Variants in GPC3 observed in about 807,000 individuals in gnomAD.
The protein encoded by GPC3 is glypican-3.
In GPC3, 3 loss-of-function variants were observed where a neutral mutation model predicts 34.4. That is an observed-to-expected ratio of 0.09 (90% confidence interval 0.04 to 0.23). The LOEUF (loss-of-function observed/expected upper bound fraction) is 0.23. Ranked by LOEUF, GPC3 falls within the 10% of genes least tolerant of loss-of-function variation. GPC3 has a pLI of 1.00. For synonymous variants in GPC3, 177 were observed against 174.0 expected (o/e 1.02, Z -0.13); for missense variants, 351 against 445.6 (o/e 0.79, Z 1.91).
chrX:133,732,285 A>G (rs1402539290), intron 3 of GPC3, among the ~76,000 whole-genome samples: 1 of 111,505 alleles, frequency 9.0e-6, no homozygotes, highest in Non-Finnish European at 1.9e-5. Context: ...GAAAGGAGCA[A>G]AAAGGGAACT....
chrX:133,857,740 C>A (rs1324703523), intron 2 of GPC3, among the ~76,000 whole-genome samples: 1 of 111,927 alleles, frequency 8.9e-6, no homozygotes, highest in Non-Finnish European at 1.9e-5. Flanking sequence ...ACATCAGGCA[C>A]AAATCTCACC....
chrX:133,659,210 G>A (rs1180481771), intron 6 of GPC3, among the ~76,000 whole-genome samples: 1 of 112,521 alleles, frequency 8.9e-6, no homozygotes, highest in Non-Finnish European at 1.9e-5. Context: ...TTTACCCAAA[G>A]TTATGCGCCT....
intron 6 of GPC3, among the ~76,000 whole-genome samples, chrX:133,657,898 C>CAGAGAGAGAGAGAGAGAGAGAG (rs749162174): frequency 7.0e-5 from 6 of 85,548 alleles, no homozygotes; most frequent in African/African-American, 2.5e-4. Context: ...GGCATACATG[C>CAGAGAGAGAGAGAGAGAGAGAG]AGAGAGAGAG....
chrX:133,650,335 T>C (rs1373046704), intron 6 of GPC3, among the ~76,000 whole-genome samples: 1 of 110,261 alleles, frequency 9.1e-6, no homozygotes, highest in South Asian at 3.9e-4. Flanking sequence ...CTGGATCATG[T>C]GGTAAAATCT....
chrX:133,878,235 C>CT (rs1381838815), intron 2 of GPC3, among the ~76,000 whole-genome samples: 88 of 110,814 alleles, frequency 7.9e-4, no homozygotes, highest in Non-Finnish European at 1.5e-3. Context: ...CAAGACCAGC[C>CT]TGGCCAACGT....
chrX:133,825,670 A>G (rs113766232), intron 2 of GPC3, among the ~76,000 whole-genome samples: 6,805 of 111,683 alleles, frequency 0.061, 313 homozygotes, highest in African/African-American at 0.15. Context: ...TGGAAATCTT[A>G]GACATATTCA....
intron 2 of GPC3, among the ~76,000 whole-genome samples, chrX:133,903,313 T>C (rs2076153347): frequency 9.0e-6 from 1 of 110,941 alleles, no homozygotes; most frequent in African/African-American, 3.3e-5. Flanking sequence ...TGGCCGGGCA[T>C]GGTGGCTCAT....
intron 7 of GPC3, among the ~76,000 whole-genome samples, chrX:133,593,824 G>C (rs991321550): frequency 9.0e-6 from 1 of 111,445 alleles, no homozygotes; most frequent in Non-Finnish European, 1.9e-5. Context: ...GCTGGGCGTA[G>C]TGACTCACGC....
chrX:133,757,511 A>G (rs1424870279), intron 2 of GPC3, among the ~76,000 whole-genome samples: 1 of 111,921 alleles, frequency 8.9e-6, no homozygotes, highest in Non-Finnish European at 1.9e-5. Flanking sequence ...ATGTTCCTGT[A>G]TTCAGACTCA....
chrX:133,984,157 C>T (rs1280094638), intron 1 of GPC3, among the ~76,000 whole-genome samples: 1 of 113,587 alleles, frequency 8.8e-6, no homozygotes, highest in African/African-American at 3.2e-5. Flanking sequence ...AGGGCTGCTC[C>T]CCGATCCCTC....
intron 7 of GPC3, among the ~76,000 whole-genome samples, chrX:133,560,836 A>C (rs1481008434): frequency 1.8e-5 from 2 of 112,334 alleles, no homozygotes; most frequent in Non-Finnish European, 3.8e-5. Flanking sequence ...AATAAAAATT[A>C]AAAAATCTTG....
intron 3 of GPC3, among the ~76,000 whole-genome samples, chrX:133,736,813 T>C (rs1349928920): frequency 8.9e-6 from 1 of 111,778 alleles, no homozygotes; most frequent in Non-Finnish European, 1.9e-5. Context: ...ATGGTAATGG[T>C]TGCACAGCTC....
At chrX:133,866,082 T>A (rs1418121638) in intron 2 of GPC3, among the ~76,000 whole-genome samples, 1 of 111,389 alleles carries the variant, frequency 9.0e-6, no homozygotes, top group Admixed American at 9.5e-5. Context: ...TTTTTCTGCC[T>A]TCCTCTATGT....
intron 2 of GPC3, among the ~76,000 whole-genome samples, chrX:133,871,547 C>T (rs2075993944): frequency 8.9e-6 from 1 of 111,924 alleles, no homozygotes; most frequent in African/African-American, 3.2e-5. Flanking sequence ...ACAAATGATG[C>T]TAGACAGATA....
At chrX:133,831,534 C>T (rs1314941638) in intron 2 of GPC3, among the ~76,000 whole-genome samples, 2 of 111,929 alleles carry the variant, frequency 1.8e-5, no homozygotes, top group Admixed American at 1.9e-4. Flanking sequence ...AGTTCAAGAA[C>T]AGCCTGACCA....
intron 6 of GPC3, among the ~76,000 whole-genome samples, chrX:133,609,889 C>T (rs2070091708): frequency 8.9e-6 from 1 of 112,197 alleles, no homozygotes; most frequent in South Asian, 3.7e-4. Flanking sequence ...TATATACTTG[C>T]CTTGGGGTAG....
chrX:133,575,790 T>C (rs376287050), intron 7 of GPC3, among the ~76,000 whole-genome samples: 1 of 112,042 alleles, frequency 8.9e-6, no homozygotes, highest in South Asian at 3.8e-4. Context: ...GGAGTAGACC[T>C]AGATCTCCTA....
intron 1 of GPC3, among the ~76,000 whole-genome samples, chrX:133,960,633 C>CTA (rs751430173): frequency 1.8e-4 from 20 of 109,323 alleles, no homozygotes; most frequent in South Asian, 3.9e-4. Flanking sequence ...GAAATCTTTT[C>CTA]TATATATATA....
intron 1 of GPC3, among the ~76,000 whole-genome samples, chrX:133,984,149 G>T (rs1221752629): frequency 8.8e-6 from 1 of 113,532 alleles, no homozygotes; most frequent in Non-Finnish European, 1.9e-5. Flanking sequence ...TTTTGGCTAG[G>T]GCTGCTCCCC....
Sources: allele counts gnomAD v4.1 joint callset (sites outside exome capture counted in the v4.1 genomes callset), GRCh38; gene constraint gnomAD v4.1.1; transcripts MANE v1.5; gene names NCBI Gene and HGNC (gene_info 2026-07-23, HGNC 2026-07-21).